CPNE5: variants seen among roughly 807,000 people sequenced by gnomAD.
CPNE5 encodes copine 5, also known as copine-5.
A neutral mutation model predicts 81.1 loss-of-function variants in CPNE5; 42 were observed. That is an observed-to-expected ratio of 0.52 (90% CI 0.40 to 0.67). CPNE5 has a LOEUF of 0.67. Ranked by LOEUF, CPNE5 falls within the 30% of genes least tolerant of loss-of-function variation. The pLI is 0.00. For missense variants in CPNE5, 612 were observed against 815.5 expected, an observed-to-expected ratio of 0.75 and a Z score of 3.04; for synonymous variants, 313 against 321.5, an observed-to-expected ratio of 0.97 and a Z score of 0.28.
chr6:36,758,146 A>G (rs531466515), intron 12 of CPNE5, among the ~76,000 whole-genome samples: 13 of 152,286 alleles, frequency 8.5e-5, no homozygotes, highest in Admixed American at 2.6e-4. Flanking sequence ...CTTAACCTCA[A>G]TGTGCCTCAG....
chr6:36,782,868 C>CACACACACACAA (rs1250161980), intron 8 of CPNE5, among the ~76,000 whole-genome samples: 5 of 142,202 alleles, frequency 3.5e-5, no homozygotes, highest in African/African-American at 1.3e-4. Flanking sequence ...CACACACACA[C>CACACACACACAA]AAAACGGCAC....
intron 20 of CPNE5, chr6:36,743,099 T>A: frequency 1.0e-6 from 1 of 985,412 alleles, no homozygotes; most frequent in Non-Finnish European, 1.2e-6. Context: ...TGGGCCCCAA[T>A]TTTTAAACCA....
chr6:36,832,048 A>G lies in CPNE5; in HGVS notation c.95+7235T>C, dbSNP rs74398599. Among the ~76,000 whole-genome samples, 368 of 152,326 alleles carry G rather than the reference A, an allele frequency of 2.4e-3. 3 individuals carry two copies. The highest frequency in any genetic ancestry group is 8.6e-3 in the African/African-American group (356 of 41,570). ...CAGAAGAGACCTTAGGGAACCTTGC[A>G]ATGATTTGAAATCACACTAAGCCTT... On this transcript the variant is annotated intron_variant, in intron 1 of 20. Transcript: ENST00000244751.
At position 36,742,417 on chromosome 6, in the gene CPNE5, CTCGGGCCAG is replaced by C; in HGVS notation, c.1624_1632del (p.Leu542_Arg544del). On this transcript the variant is annotated inframe_deletion, in exon 21 of 21. Coordinates refer to ENST00000244751, the MANE Select transcript of CPNE5 (RefSeq NM_020939.2). ...TGGTCAGGGATCTCTGCCAGCACGTCTCGGGCCAGGCGGGCCATGCTCAGCACGTGGTTG... is the reference window on the plus strand; with the variant it reads ...TGGTCAGGGATCTCTGCCAGCACGTCGCGGGCCATGCTCAGCACGTGGTTG... 6.2e-7 allele frequency: 1 copy of C among 1,613,756 alleles called. No homozygotes were observed.
chr6:36,760,450 G>T (rs1765914840), intron 12 of CPNE5, among the ~76,000 whole-genome samples: 5 of 152,138 alleles, frequency 3.3e-5, no homozygotes. Flanking sequence ...CACTATTTTG[G>T]TGGAGTACGC....
chr6:36,777,318 G>C (rs1169473893), intron 9 of CPNE5, among the ~76,000 whole-genome samples: 1 of 151,612 alleles, frequency 6.6e-6, no homozygotes, highest in African/African-American at 2.4e-5. Flanking sequence ...CCTCCCACCT[G>C]TTCACCATGT....
intron 3 of CPNE5, among the ~76,000 whole-genome samples, chr6:36,814,851 T>A (rs1771398877): frequency 6.6e-6 from 1 of 152,000 alleles, no homozygotes; most frequent in Non-Finnish European, 1.5e-5. Context: ...ATTCATTGAG[T>A]TAATGCAGGT....
At position 36,788,229 on chromosome 6, in the gene CPNE5, G is replaced by C. The variant is rs376452049; in HGVS notation, c.528+3804C>G. On this transcript the variant is annotated intron_variant, in intron 8 of 20. Transcript: ENST00000244751. ...AAAATTTTTTTGTAGAGATGGTCGG[G>C]GGGGGGTCTCACTATGATGTCCAGG... 1.8e-3 allele frequency among the ~76,000 whole-genome samples: 269 copies of C among 151,982 alleles called. 1 individual carries two copies. The highest frequency in any genetic ancestry group is 4.8e-3 in the East Asian group (25 of 5,164).
In CPNE5 at chr6:36,768,232, T is replaced by TC. The variant is rs55738109; in HGVS notation, c.738-2857_738-2856insG. Among the ~76,000 whole-genome samples, 143 of 99,256 alleles carry TC rather than the reference T, an allele frequency of 1.4e-3. 13 individuals carry two copies. The highest frequency in any genetic ancestry group is 2.1e-3 in the Admixed American group (21 of 9,772). 65.1% of individuals were successfully genotyped at this position (99,256 alleles called of 152,430 possible). On this transcript the variant is annotated intron_variant, in intron 10 of 20. Coordinates refer to ENST00000244751, the MANE Select transcript of CPNE5 (RefSeq NM_020939.2). ...ACTACTCTATTCACAGTTCTTTTTT[T>TC]TTTTTTTTTTTTTTTTTTTTGAGAC...
chr6:36,750,617 T>C (rs1764704794), intron 14 of CPNE5, among the ~76,000 whole-genome samples: 1 of 152,222 alleles, frequency 6.6e-6, no homozygotes, highest in Admixed American at 6.5e-5. Flanking sequence ...TAGGGAATTA[T>C]GTGTTACAGC....
At chr6:36,789,585 C>A (rs1431425496) in intron 8 of CPNE5, among the ~76,000 whole-genome samples, 1 of 152,216 alleles carries the variant, frequency 6.6e-6, no homozygotes, top group African/African-American at 2.4e-5. Flanking sequence ...TTAATCCTCA[C>A]AGCAACCCTA....
At chr6:36,817,077 G>A (rs1771607641) in intron 3 of CPNE5, among the ~76,000 whole-genome samples, 1 of 152,210 alleles carries the variant, frequency 6.6e-6, no homozygotes, top group South Asian at 2.1e-4. Flanking sequence ...TATAATCCCA[G>A]CACTTTGGGA....
rs190304497 is a variant in CPNE5 at position 36,782,652 on chromosome 6, A to C, written c.529-3695T>G. On this transcript the variant is annotated intron_variant, in intron 8 of 20. Transcript: ENST00000244751. ...AACCCCGTCTCTACTAAAAATACAAAAATTAGCCGGGCATGCCTGTAATCC... is the reference window on the plus strand; with the variant it reads ...AACCCCGTCTCTACTAAAAATACAACAATTAGCCGGGCATGCCTGTAATCC... Among the ~76,000 whole-genome samples the C allele has an allele frequency of 2.6e-5, 4 of 152,058 alleles. 1 individual carries two copies. The highest frequency in any genetic ancestry group is 2.6e-4 in the Admixed American group (4 of 15,278).
At chr6:36,743,803 GGTGGACCCCTGGCCC>G in intron 19 of CPNE5, 41 bp from the exon 20 acceptor site, 1 of 1,542,908 alleles carries the variant, frequency 6.5e-7, no homozygotes, top group Non-Finnish European at 8.9e-7. Flanking sequence ...TGAGATTAAC[GGTGGACCCCTGGCCC>G]TAGCAGGAGA....
At chr6:36,788,768 T>C (rs1768835335) in intron 8 of CPNE5, among the ~76,000 whole-genome samples, 1 of 152,188 alleles carries the variant, frequency 6.6e-6, no homozygotes, top group Non-Finnish European at 1.5e-5. Context: ...TACCATTCGA[T>C]AGTATTTGGA....
chr6:36,767,148 G>A (rs765152657), intron 10 of CPNE5, among the ~76,000 whole-genome samples: 3 of 152,206 alleles, frequency 2.0e-5, no homozygotes, highest in East Asian at 1.9e-4. Context: ...GAGCCACGGC[G>A]CCCGGCCTCT....
At chr6:36,771,123 G>A (rs978099070) in intron 10 of CPNE5, among the ~76,000 whole-genome samples, 9 of 152,102 alleles carry the variant, frequency 5.9e-5, no homozygotes, top group Admixed American at 2.6e-4. Flanking sequence ...CCAGAAGGAC[G>A]TTAATGCTTT....
At chr6:36,827,202 G>C (rs1772574938) in intron 1 of CPNE5, 1 of 387,976 alleles carries the variant, frequency 2.6e-6, no homozygotes, top group Admixed American at 6.4e-5. Flanking sequence ...AGGACCTTCT[G>C]CCTCTCGCCT....
rs758346845 is a variant in CPNE5, at chr6:36,800,050, G to A, written c.204C>T (p.Ile68=). 8.7e-6 allele frequency: 14 copies of A among 1,613,220 alleles called. No individual in the cohort carries two copies. Among genetic ancestry groups the A allele is most frequent in the South Asian group, 7.7e-5 (7 of 90,940 alleles). The part of the protein sequence containing the change: ...QWREFGRTEV[I]DNTLNPDFVR... ...CGAAGTCAGGATTGAGCGTGTTGTC[G>A]ATGACTTCGGTGCGCCCAAACTGCA... Residue 68 remains isoleucine, a synonymous_variant, in exon 4 of 21, where the codon ATC becomes ATT. Transcript: ENST00000244751.
Sources: gnomAD v4.1 joint callset for allele counts (sites outside exome capture counted in the v4.1 genomes callset) on GRCh38, gnomAD v4.1.1 for gene constraint, MANE v1.5 for transcripts, NCBI Gene and HGNC (gene_info 2026-07-23, HGNC 2026-07-21) for gene names.